INPP4B: variants seen among roughly 807,000 people sequenced by gnomAD.
The protein encoded by INPP4B is inositol polyphosphate-4-phosphatase type II B.
Under a neutral mutation model 122.5 loss-of-function variants are expected in INPP4B, and 55 were observed. The ratio of observed to expected loss-of-function variants is 0.45; its 90% confidence interval spans 0.36 to 0.56. INPP4B has a LOEUF of 0.56. INPP4B is among the 20% of genes least tolerant of loss of function. The probability of loss-of-function intolerance (pLI) is 0.00; values close to 1 mark genes in which losing one functional copy is unlikely to be tolerated. For missense variants in INPP4B, 1,000 were observed against 1,097.7 expected, an observed-to-expected ratio of 0.91 and a Z score of 1.26; for synonymous variants, 403 against 388.7, an observed-to-expected ratio of 1.04 and a Z score of -0.43.
At chr4:142,167,525 T>C (rs182862) in intron 16 of INPP4B, among the ~76,000 whole-genome samples, 99,336 of 151,666 alleles carry the variant, frequency 0.65, 37,519 homozygotes, top group Non-Finnish European at 0.83. Context: ...AACCTGCACG[T>C]ACTGCACATG....
At chr4:142,466,013 C>T (rs369525997) in intron 2 of INPP4B, among the ~76,000 whole-genome samples, 3 of 152,098 alleles carry the variant, frequency 2.0e-5, no homozygotes, top group African/African-American at 4.8e-5. Flanking sequence ...AATTACCTAG[C>T]CTCAGGTATT....
chr4:142,106,056 C>T (rs1384596244), intron 23 of INPP4B, among the ~76,000 whole-genome samples: 1 of 152,126 alleles, frequency 6.6e-6, no homozygotes, highest in Non-Finnish European at 1.5e-5. Flanking sequence ...TGGAGCACAA[C>T]CACAGCCATA....
chr4:142,226,342 C>A (rs527709746), intron 12 of INPP4B, among the ~76,000 whole-genome samples: 5 of 152,228 alleles, frequency 3.3e-5, no homozygotes, highest in Admixed American at 2.6e-4. Context: ...ATAATTACTC[C>A]ACAATAAACC....
chr4:142,131,532 GT>G lies in INPP4B; in HGVS notation c.1721-6773del, dbSNP rs201097731. 3.1e-3 allele frequency among the ~76,000 whole-genome samples: 468 copies of G among 152,340 alleles called. 3 individuals are homozygous for G. The highest frequency in any genetic ancestry group is 0.029 in the East Asian group (148 of 5,184). On this transcript the variant is annotated intron_variant, in intron 18 of 25. Coordinates refer to ENST00000262992, the MANE Select transcript of INPP4B (RefSeq NM_001101669.3). ...ATGCATGAAATGTGTAGTTGCACCA[GT>G]TTAAAAACAAAATTCTGCAAACACA...
chr4:142,673,332 TA>T (rs2150642556), intron 2 of INPP4B, among the ~76,000 whole-genome samples: 1 of 152,100 alleles, frequency 6.6e-6, no homozygotes, highest in East Asian at 1.9e-4. Flanking sequence ...GTGCAATTTT[TA>T]AAGTTCAGAG....
At chr4:142,722,893 A>G (rs193187839) in intron 2 of INPP4B, among the ~76,000 whole-genome samples, 14 of 152,286 alleles carry the variant, frequency 9.2e-5, no homozygotes, top group Admixed American at 8.5e-4. Context: ...GCAAGTTATG[A>G]TGCTGTACTT....
At chr4:142,376,926 T>C (rs753840418) in intron 7 of INPP4B, among the ~76,000 whole-genome samples, 1 of 152,068 alleles carries the variant, frequency 6.6e-6, no homozygotes, top group Non-Finnish European at 1.5e-5. Flanking sequence ...TTTTAAATCA[T>C]TTATTTGTTC....
chr4:142,754,124 C>T (rs1218783055), intron 1 of INPP4B, among the ~76,000 whole-genome samples: 5 of 152,066 alleles, frequency 3.3e-5, no homozygotes, highest in African/African-American at 9.7e-5. Flanking sequence ...TGTTTCCAAA[C>T]TTGCTGATCT....
chr4:142,664,260 T>C (rs1260757810), intron 2 of INPP4B, among the ~76,000 whole-genome samples: 1 of 152,170 alleles, frequency 6.6e-6, no homozygotes, highest in Admixed American at 6.6e-5. Flanking sequence ...AAGATGTTCC[T>C]ATGCCCAACC....
At chr4:142,380,598 A>C (rs1386576592) in intron 7 of INPP4B, among the ~76,000 whole-genome samples, 2 of 152,146 alleles carry the variant, frequency 1.3e-5, no homozygotes, top group African/African-American at 4.8e-5. Context: ...TATTTATTTT[A>C]TTAGAAATAA....
Position 142,158,820 on chromosome 4 carries a change from T to C in INPP4B, c.1563+1538A>G, listed in dbSNP as rs150885723. 1.5e-3 allele frequency among the ~76,000 whole-genome samples: 222 copies of C among 151,922 alleles called. 6 individuals carry two copies. In the East Asian group the frequency reaches 0.041, roughly 28 times the overall value. On this transcript the variant is annotated intron_variant, in intron 17 of 25. Transcript: ENST00000262992. ...GGTCAAGGTGAGGGGGAAGGGTTTG[T>C]AAAACATAGTGAGTTAAAATGAGGG...
At position 142,209,004 on chromosome 4, in the gene INPP4B, C is replaced by G; in HGVS notation, c.859G>C (p.Gly287Arg). The change falls in exon 13 of 26, where the codon GGT (glycine) becomes CGT (arginine). Residue 287 changes from glycine to arginine, a missense_variant. Transcript: ENST00000262992. The part of the protein sequence containing the change: ...LCRNQEIKEL[G>R]ELSPHWDNLR... ...TTGTCCCAATGTGGAGAAAGCTCAC[C>G]AAGTTCTTTTATCTCCTGGTTTCTG... The G allele has an allele frequency of 1.2e-6, 2 of 1,603,264 alleles. No individual in the cohort carries two copies. The highest frequency in any genetic ancestry group is 1.7e-6 in the Non-Finnish European group (2 of 1,173,230).
chr4:142,826,291 G>A (rs1379800876), intron 1 of INPP4B, among the ~76,000 whole-genome samples: 1 of 152,038 alleles, frequency 6.6e-6, no homozygotes, highest in Admixed American at 6.6e-5. Flanking sequence ...AGTTTCATAG[G>A]CCATGTTCTT....
At chr4:142,831,347 A>G (rs976177277) in intron 1 of INPP4B, among the ~76,000 whole-genome samples, 2 of 152,206 alleles carry the variant, frequency 1.3e-5, no homozygotes, top group Non-Finnish European at 2.9e-5. Flanking sequence ...TAGTGGCTCT[A>G]TTTGACTGTA....
chr4:142,637,346 C>A (rs1006567068), intron 2 of INPP4B, among the ~76,000 whole-genome samples: 1 of 152,126 alleles, frequency 6.6e-6, no homozygotes. Context: ...TATGTCATGC[C>A]TATTCATCCC....
At chr4:142,760,813 A>T (rs1226773794) in intron 1 of INPP4B, among the ~76,000 whole-genome samples, 1 of 152,116 alleles carries the variant, frequency 6.6e-6, no homozygotes, top group African/African-American at 2.4e-5. Context: ...CATAACTGGC[A>T]ATTATTTCTC....
chr4:142,703,418 G>T (rs1762063532), intron 2 of INPP4B, among the ~76,000 whole-genome samples: 1 of 152,130 alleles, frequency 6.6e-6, no homozygotes, highest in African/African-American at 2.4e-5. Context: ...TACTATTAAA[G>T]GAACATTATG....
chr4:142,797,412 A>C (rs892239490), intron 1 of INPP4B, among the ~76,000 whole-genome samples: 1 of 152,064 alleles, frequency 6.6e-6, no homozygotes, highest in African/African-American at 2.4e-5. Flanking sequence ...TCAGAAAAAC[A>C]GGAAGATAAA....
intron 2 of INPP4B, among the ~76,000 whole-genome samples, chr4:142,526,022 C>T (rs372211852): frequency 2.6e-5 from 4 of 151,960 alleles, no homozygotes; most frequent in South Asian, 4.1e-4. Flanking sequence ...TTGTCTGGCA[C>T]GATTTCATGT....
Sources: gnomAD v4.1 joint callset for allele counts (sites outside exome capture counted in the v4.1 genomes callset) on GRCh38, gnomAD v4.1.1 for gene constraint, MANE v1.5 for transcripts, NCBI Gene and HGNC (gene_info 2026-07-23, HGNC 2026-07-21) for gene names.